The following MAGI1 variants were observed in gnomAD, a reference collection of about 807,000 sequenced individuals.
MAGI1 encodes membrane-associated guanylate kinase, WW and PDZ domain-containing protein 1.
In MAGI1, 58 loss-of-function variants were observed where a neutral mutation model predicts 139.9. The observed-to-expected ratio is 0.41, with a 90% CI of 0.34 to 0.52. The LOEUF (loss-of-function observed/expected upper bound fraction) is 0.52. Among genes scored for constraint, MAGI1 ranks in the 20% least tolerant of loss-of-function variants. The pLI is 0.12. For synonymous variants in MAGI1, 812 were observed against 737.9 expected (o/e 1.10, Z -1.63); for missense variants, 1,874 against 1,901.6 (o/e 0.99, Z 0.27).
intron 1 of MAGI1, among the ~76,000 whole-genome samples, chr3:65,651,759 G>C (rs1231406681): frequency 6.6e-6 from 1 of 151,708 alleles, no homozygotes; most frequent in Admixed American, 6.6e-5. Flanking sequence ...TTGCATATTT[G>C]AAAGCAACAA....
At chr3:65,972,248 A>G (rs1370604003) in intron 1 of MAGI1, among the ~76,000 whole-genome samples, 1 of 152,268 alleles carries the variant, frequency 6.6e-6, no homozygotes, top group African/African-American at 2.4e-5. Flanking sequence ...AAAGAGGTTT[A>G]TAACATAAAG....
At chr3:65,712,496 G>GTTTTGT (rs1353100897) in intron 1 of MAGI1, among the ~76,000 whole-genome samples, 3 of 150,428 alleles carry the variant, frequency 2.0e-5, no homozygotes, top group Non-Finnish European at 2.9e-5. Context: ...ATAAAATTGT[G>GTTTTGT]TTTTGTTTTT....
At chr3:65,592,585 G>C (rs1325939989) in intron 2 of MAGI1, among the ~76,000 whole-genome samples, 3 of 152,148 alleles carry the variant, frequency 2.0e-5, no homozygotes, top group East Asian at 3.9e-4. Context: ...ACAGGAGGTA[G>C]AGTGTGATAG....
intron 12 of MAGI1, among the ~76,000 whole-genome samples, chr3:65,422,349 G>C (rs1029434291): frequency 6.6e-6 from 1 of 152,180 alleles, no homozygotes; most frequent in East Asian, 1.9e-4. Context: ...AATGAACAAT[G>C]CATCTACTAG....
intron 1 of MAGI1, among the ~76,000 whole-genome samples, chr3:65,685,631 A>G (rs1409537847): frequency 1.3e-5 from 2 of 152,220 alleles, no homozygotes; most frequent in Non-Finnish European, 2.9e-5. Flanking sequence ...AAATAAATAC[A>G]TCTTTTGATT....
chr3:65,758,241 G>A (rs997406589), intron 1 of MAGI1, among the ~76,000 whole-genome samples: 8 of 152,156 alleles, frequency 5.3e-5, no homozygotes, highest in South Asian at 2.1e-4. Context: ...GACATAAAGC[G>A]GAGCATCTGG....
chr3:65,836,512 T>C (rs2042811244), intron 1 of MAGI1, among the ~76,000 whole-genome samples: 1 of 152,004 alleles, frequency 6.6e-6, no homozygotes, highest in Non-Finnish European at 1.5e-5. Flanking sequence ...ATAGGAAAGA[T>C]GATGGTTGTC....
intron 2 of MAGI1, among the ~76,000 whole-genome samples, chr3:65,557,984 C>T (rs1404145188): frequency 3.3e-5 from 5 of 152,188 alleles, no homozygotes; most frequent in Non-Finnish European, 5.9e-5. Flanking sequence ...GGGAGATAAA[C>T]TGCCTTCTAC....
intron 1 of MAGI1, among the ~76,000 whole-genome samples, chr3:65,766,090 C>T (rs1013116474): frequency 6.6e-6 from 1 of 151,854 alleles, no homozygotes; most frequent in Non-Finnish European, 1.5e-5. Context: ...TGGATATTTA[C>T]ATTTGCCTTC....
chr3:65,471,062 C>T lies in MAGI1; in HGVS notation c.758-578G>A, dbSNP rs569548680. Among the ~76,000 whole-genome samples the T allele has an allele frequency of 1.1e-4, 16 of 152,254 alleles. No individual in the cohort carries two copies. In the South Asian group the frequency reaches 3.1e-3, roughly 30 times the overall value. The stretch of plus-strand genomic sequence containing the variant: ...ACAAAAGTTTAGAATATGGAGAGAG[C>T]TATACCAGTGAGTCAGATTGGAACC... On this transcript the variant is annotated intron_variant, in intron 4 of 22. Coordinates refer to ENST00000402939, the MANE Select transcript of MAGI1 (RefSeq NM_001033057.2).
intron 1 of MAGI1, among the ~76,000 whole-genome samples, chr3:65,707,112 GATGTTGTATA>G (rs1455198043): frequency 6.6e-6 from 1 of 152,186 alleles, no homozygotes; most frequent in African/African-American, 2.4e-5. Flanking sequence ...AGTTACTGTA[GATGTTGTATA>G]AACTTCTATT....
chr3:65,813,030 G>GA (rs71281377), intron 1 of MAGI1, among the ~76,000 whole-genome samples: 56,517 of 140,904 alleles, frequency 0.4, 11,058 homozygotes, highest in African/African-American at 0.5. Flanking sequence ...TTTTCTAAAA[G>GA]AAAAAAAAAA....
chr3:65,797,533 G>A (rs1210729632), intron 1 of MAGI1, among the ~76,000 whole-genome samples: 1 of 152,052 alleles, frequency 6.6e-6, no homozygotes, highest in South Asian at 2.1e-4. Context: ...GACCAGCCTG[G>A]GCAACATGGC....
intron 12 of MAGI1, among the ~76,000 whole-genome samples, chr3:65,420,826 A>G (rs1946589461): frequency 6.6e-6 from 1 of 152,204 alleles, no homozygotes; most frequent in African/African-American, 2.4e-5. Flanking sequence ...AAGTAACTCA[A>G]TGCATTAAGT....
chr3:65,547,749 A>G (rs2079572804), intron 2 of MAGI1, among the ~76,000 whole-genome samples: 4 of 152,172 alleles, frequency 2.6e-5, no homozygotes, highest in Admixed American at 2.6e-4. Context: ...TATATATATG[A>G]AGAGCTGATA....
chr3:66,013,005 T>C (rs1255929306), intron 1 of MAGI1, among the ~76,000 whole-genome samples: 1 of 152,200 alleles, frequency 6.6e-6, no homozygotes, highest in African/African-American at 2.4e-5. Flanking sequence ...GCTCATTTAA[T>C]CATTTTAACT....
At chr3:65,574,232 T>C (rs2081081431) in intron 2 of MAGI1, among the ~76,000 whole-genome samples, 1 of 145,970 alleles carries the variant, frequency 6.9e-6, no homozygotes, top group African/African-American at 2.6e-5. Flanking sequence ...GGTTTTTACA[T>C]ATATATATGT....
chr3:65,521,171 C>A (rs73832894), intron 2 of MAGI1, among the ~76,000 whole-genome samples: 2 of 151,950 alleles, frequency 1.3e-5, no homozygotes, highest in African/African-American at 2.4e-5. Flanking sequence ...AGCTTGATAA[C>A]AGATCTCTGT....
chr3:65,871,385 T>G (rs2108489223), intron 1 of MAGI1, among the ~76,000 whole-genome samples: 1 of 152,336 alleles, frequency 6.6e-6, no homozygotes, highest in South Asian at 2.1e-4. Flanking sequence ...ACCTGTGTAA[T>G]TAATGTTTGA....
Sources: gnomAD v4.1 joint callset for allele counts (sites outside exome capture counted in the v4.1 genomes callset) on GRCh38, gnomAD v4.1.1 for gene constraint, MANE v1.5 for transcripts, NCBI Gene and HGNC (gene_info 2026-07-23, HGNC 2026-07-21) for gene names.